Variants in CCDC88C observed in about 807,000 individuals in gnomAD.
CCDC88C encodes the protein coiled-coil and HOOK domain protein 88C.
A neutral mutation model predicts 198.8 loss-of-function variants in CCDC88C; 131 were observed. The ratio of observed to expected loss-of-function variants is 0.66; its 90% CI spans 0.57 to 0.76. The LOEUF is 0.76. Ranked by LOEUF, CCDC88C falls within the 30% of genes least tolerant of loss-of-function variation. The pLI, the probability that CCDC88C is intolerant of heterozygous loss-of-function variation, is 0.00. For synonymous variants in CCDC88C, 1,166 were observed against 1,114.7 expected (o/e 1.05, Z -0.92); for missense variants, 2,553 against 2,631.6 (o/e 0.97, Z 0.65).
At chr14:91,389,323 T>G (rs1885340399) in intron 3 of CCDC88C, among the ~76,000 whole-genome samples, 1 of 152,168 alleles carries the variant, frequency 6.6e-6, no homozygotes, top group Non-Finnish European at 1.5e-5. Context: ...CCTCCTGGCC[T>G]TCCCGGCTTC....
chr14:91,375,643 G>C (rs1435449910), intron 3 of CCDC88C, among the ~76,000 whole-genome samples: 1 of 152,136 alleles, frequency 6.6e-6, no homozygotes, highest in Non-Finnish European at 1.5e-5. Flanking sequence ...GCAAATAAAA[G>C]CACCCTCACC....
At chr14:91,411,510 A>G (rs906789145) in intron 2 of CCDC88C, among the ~76,000 whole-genome samples, 1 of 152,208 alleles carries the variant, frequency 6.6e-6, no homozygotes, top group Admixed American at 6.5e-5. Context: ...TCATCTTTAT[A>G]TGATAGTCCT....
At chr14:91,321,874 A>G (rs768417437) in intron 12 of CCDC88C, among the ~76,000 whole-genome samples, 2 of 152,192 alleles carry the variant, frequency 1.3e-5, no homozygotes, top group Non-Finnish European at 2.9e-5. Context: ...TATGCAAATT[A>G]CTTTTAAAAT....
chr14:91,335,425 C>T (rs61988407), intron 10 of CCDC88C, among the ~76,000 whole-genome samples: 12,837 of 152,110 alleles, frequency 0.084, 729 homozygotes, highest in Non-Finnish European at 0.13. Context: ...CTCTCCTGCA[C>T]GCTGCTTTCT....
chr14:91,280,062 C>T (rs1414748318), intron 27 of CCDC88C: 1 of 152,308 alleles, frequency 6.6e-6, no homozygotes, highest in Non-Finnish European at 1.5e-5. Context: ...AGAGGGCAGG[C>T]CATCCCTTCC....
At chr14:91,281,723 C>T (rs533289295) in intron 26 of CCDC88C, among the ~76,000 whole-genome samples, 198 bp from the exon 27 acceptor site, 5 of 152,256 alleles carry the variant, frequency 3.3e-5, no homozygotes, top group East Asian at 3.9e-4. Flanking sequence ...CTGACACTCC[C>T]GATTCCCATC....
chr14:91,332,152 G>A (rs1224325705), intron 10 of CCDC88C, among the ~76,000 whole-genome samples: 1 of 152,208 alleles, frequency 6.6e-6, no homozygotes, highest in Non-Finnish European at 1.5e-5. Context: ...GATGCACACA[G>A]CATCTATGCA....
chr14:91,337,671 C>T (rs1893108335), intron 10 of CCDC88C, among the ~76,000 whole-genome samples: 1 of 152,236 alleles, frequency 6.6e-6, no homozygotes, highest in Non-Finnish European at 1.5e-5. Context: ...AGGAAATAGT[C>T]CTAGCAAATT....
chr14:91,360,747 G>A (rs946367576), intron 3 of CCDC88C, among the ~76,000 whole-genome samples: 26 of 152,334 alleles, frequency 1.7e-4, no homozygotes, highest in African/African-American at 5.5e-4. Context: ...TCTCCTCAGC[G>A]TGCCGGCTCA....
At chr14:91,362,550 TCTC>T (rs1894357234) in intron 3 of CCDC88C, among the ~76,000 whole-genome samples, 1 of 152,244 alleles carries the variant, frequency 6.6e-6, no homozygotes, top group African/African-American at 2.4e-5. Flanking sequence ...ATGTATGTGT[TCTC>T]CTTCCAAAAC....
chr14:91,275,892 A>C (rs1596011755), intron 29 of CCDC88C, among the ~76,000 whole-genome samples: 1 of 123,544 alleles, frequency 8.1e-6, no homozygotes. Context: ...CGCGATCTCG[A>C]CTCACTGCAA....
At chr14:91,307,787 A>T (rs1567065033) in intron 17 of CCDC88C, among the ~76,000 whole-genome samples, 1 of 152,132 alleles carries the variant, frequency 6.6e-6, no homozygotes, top group Non-Finnish European at 1.5e-5. Flanking sequence ...TTGTGTGTGG[A>T]GTGTGCACAC....
intron 3 of CCDC88C, among the ~76,000 whole-genome samples, chr14:91,400,319 G>C (rs189573892): frequency 1.3e-5 from 2 of 152,240 alleles, no homozygotes; most frequent in Non-Finnish European, 2.9e-5. Flanking sequence ...AATGGGGATC[G>C]GGAGGAGGAC....
At chr14:91,290,890 A>G (rs917778247) in intron 24 of CCDC88C, 105 bp downstream of exon 24, 64 of 691,148 alleles carry the variant, frequency 9.3e-5, no homozygotes, top group Admixed American at 4.7e-4. Flanking sequence ...ATCTGTGCAC[A>G]GGTGGATGGT....
chr14:91,366,208 G>A (rs1258099298), intron 3 of CCDC88C, among the ~76,000 whole-genome samples: 2 of 143,806 alleles, frequency 1.4e-5, no homozygotes, highest in Admixed American at 6.9e-5. Context: ...ACACAGGGCT[G>A]GGCATGGTGG....
At chr14:91,308,815 C>T (rs1301259733) in intron 16 of CCDC88C, among the ~76,000 whole-genome samples, 1 of 152,200 alleles carries the variant, frequency 6.6e-6, no homozygotes, top group Non-Finnish European at 1.5e-5. Flanking sequence ...CCCAAGGTCA[C>T]AGTGCTAGGT....
intron 3 of CCDC88C, among the ~76,000 whole-genome samples, chr14:91,388,036 C>G (rs1885249997): frequency 6.6e-6 from 1 of 152,188 alleles, no homozygotes. Flanking sequence ...TGCCTTGCGG[C>G]TGGGGATTCA....
chr14:91,277,811 T>C lies in CCDC88C; in HGVS notation c.5058+111A>G, dbSNP rs1009733565. The C allele has an allele frequency of 1.3e-5, 17 of 1,272,536 alleles. No individual in the cohort carries two copies. In the African/African-American group the frequency reaches 2.6e-4, roughly 19 times the overall value. 78.8% of individuals were successfully genotyped at this position (1,272,536 alleles called of 1,614,324 possible). On this transcript the variant is annotated intron_variant, in intron 29 of 29. Coordinates refer to ENST00000389857, the MANE Select transcript of CCDC88C (RefSeq NM_001080414.4). ...CAGCCTCTCATGTCCAAGCCAGTCC[T>C]GTGCCTAGGCCACGCCACCCCCACC...
chr14:91,312,022 T>A (rs1324276719), intron 15 of CCDC88C, among the ~76,000 whole-genome samples: 1 of 151,740 alleles, frequency 6.6e-6, no homozygotes, highest in African/African-American at 2.4e-5. Context: ...ATTTAAAAAA[T>A]AATAAAAATA....
Sources: allele counts gnomAD v4.1 joint callset (sites outside exome capture counted in the v4.1 genomes callset), GRCh38; gene constraint gnomAD v4.1.1; transcripts MANE v1.5; gene names NCBI Gene and HGNC (gene_info 2026-07-23, HGNC 2026-07-21).